Variants in CLTC observed in about 807,000 individuals in gnomAD.
The protein encoded by CLTC is clathrin heavy chain.
In CLTC, 16 loss-of-function variants were observed where a neutral mutation model predicts 195.8. That is an observed-to-expected ratio of 0.08 (90% CI 0.06 to 0.12). CLTC has a LOEUF of 0.12. Ranked by LOEUF, CLTC falls within the 10% of genes least tolerant of loss-of-function variation. The pLI is 1.00. For synonymous variants in CLTC, 667 were observed against 689.4 expected (o/e 0.97, Z 0.51); for missense variants, 796 against 2,027.0 (o/e 0.39, Z 11.66).
chr17:59,620,223 G>A, intron 1 of CLTC, 50 bp downstream of exon 1: 1 of 1,602,174 alleles, frequency 6.2e-7, no homozygotes, highest in Non-Finnish European at 8.6e-7. Flanking sequence ...TGGTAGGAAG[G>A]ATGGAAGACG....
Position 59,656,039 on chromosome 17 carries a change from T to C in CLTC, c.969+12T>C. 1 of 1,601,684 alleles carries C rather than the reference T, an allele frequency of 6.2e-7. No homozygotes were observed. Among genetic ancestry groups the C allele is most frequent in the Non-Finnish European group, 8.5e-7 (1 of 1,176,076 alleles). On this transcript the variant is annotated intron_variant, in intron 6 of 31. Transcript: ENST00000269122. Reference sequence around the variant, plus strand: ...ACAGAAAGGGACAAGTAAGGAAACCTTGAAACTTAAGCAATAAAATAAGAT... The same window carrying C: ...ACAGAAAGGGACAAGTAAGGAAACCCTGAAACTTAAGCAATAAAATAAGAT...
At chr17:59,651,918 G>T (rs1483795279) in intron 5 of CLTC, among the ~76,000 whole-genome samples, 2 of 152,184 alleles carry the variant, frequency 1.3e-5, no homozygotes, top group African/African-American at 4.8e-5. Context: ...ACCCACAGTA[G>T]ATCTTTCAGA....
chr17:59,688,321 C>G (rs2033228070), intron 30 of CLTC, among the ~76,000 whole-genome samples: 2 of 152,146 alleles, frequency 1.3e-5, no homozygotes, highest in African/African-American at 4.8e-5. Context: ...AAATAACTGA[C>G]TGCATGTTAC....
Position 59,648,517 on chromosome 17 carries a change from C to CTTA in CLTC, c.681+116_681+117insTTA, listed in dbSNP as rs2032250567. On this transcript the variant is annotated intron_variant, in intron 4 of 31. Coordinates refer to ENST00000269122, the MANE Select transcript of CLTC (RefSeq NM_004859.4). This position sits in a 1 kb window ranked among gnomAD's most constrained non-coding sequence, Gnocchi z 4.5. ...CCTTCCTAAGTAATTTTAGTATTCA[C>CTTA]ATTTGTGGTGACTTAATTTGTTCAA... 3.0e-6 allele frequency: 3 copies of CTTA among 1,005,494 alleles called. No homozygotes were observed. Among genetic ancestry groups the CTTA allele is most frequent in the Non-Finnish European group, 4.4e-6 (3 of 678,740 alleles). The allele number at this position is 1,005,494 out of a possible 1,614,324, so 62.3% of individuals were successfully genotyped here. A position where few individuals can be genotyped will look rare whatever the true frequency, so the allele number is the denominator to read the frequency against.
intron 15 of CLTC, 55 bp downstream of exon 15, chr17:59,673,827 C>T (rs2032907097): frequency 1.1e-6 from 1 of 897,204 alleles, no homozygotes; most frequent in Non-Finnish European, 1.8e-6. Context: ...TTTTATTTCT[C>T]ATATTCTGGA....
chr17:59,659,592 G>A (rs1475428387), intron 6 of CLTC, among the ~76,000 whole-genome samples: 4 of 151,326 alleles, frequency 2.6e-5, no homozygotes, highest in East Asian at 1.9e-4. Flanking sequence ...CTACAGGCGC[G>A]TGCCACCATG....
intron 2 of CLTC, 99 bp from the exon 3 acceptor site, chr17:59,647,299 A>C: frequency 1.1e-6 from 1 of 894,104 alleles, no homozygotes; most frequent in Non-Finnish European, 1.7e-6. Flanking sequence ...GTCTCGTAAT[A>C]GAACTATTTT....
intron 6 of CLTC, chr17:59,658,741 G>T (rs753571842): frequency 2.0e-5 from 3 of 152,194 alleles, no homozygotes; most frequent in Non-Finnish European, 4.4e-5. Context: ...CTAGAAATCT[G>T]CTAGAACAGT....
chr17:59,683,553 G>A lies in CLTC; in HGVS notation c.4191+17G>A, dbSNP rs1307099216. The A allele has an allele frequency of 3.7e-6, 6 of 1,613,024 alleles. No homozygotes were observed. Among genetic ancestry groups the A allele is most frequent in the Non-Finnish European group, 5.1e-6 (6 of 1,179,500 alleles). ...ATTACCAAGGTGTGTACTTTCTTCAGAAGATAAAGGATTCAGAAGGAGAAA... is the reference window on the plus strand; with the variant it reads ...ATTACCAAGGTGTGTACTTTCTTCAAAAGATAAAGGATTCAGAAGGAGAAA... On this transcript the variant is annotated intron_variant, in intron 26 of 31. Coordinates refer to ENST00000269122, the MANE Select transcript of CLTC (RefSeq NM_004859.4). This position sits in a 1 kb window ranked among gnomAD's most constrained non-coding sequence, Gnocchi z 6.1.
rs550370794 is a variant in CLTC at position 59,693,315 on chromosome 17, C to G, written c.4904-413C>G. Among the ~76,000 whole-genome samples, 3 of 150,700 alleles carry G rather than the reference C, an allele frequency of 2.0e-5. No individual in the cohort carries two copies. In the South Asian group the frequency reaches 6.3e-4, roughly 32 times the overall value. On this transcript the variant is annotated intron_variant, in intron 31 of 31. Coordinates refer to ENST00000269122, the MANE Select transcript of CLTC (RefSeq NM_004859.4). ...CCAGGAGGCAGAGGTTTCAGTGAGC[C>G]GAGATTACACAACTGCACTCCAGCC...
chr17:59,661,313 C>A, intron 7 of CLTC, 130 bp from the exon 8 acceptor site: 1 of 688,578 alleles, frequency 1.5e-6, no homozygotes, highest in East Asian at 2.6e-5. Context: ...GGATTCATTC[C>A]TTTAAGATTG....
At position 59,666,761 on chromosome 17, in the gene CLTC, T is replaced by G; in HGVS notation, c.1948-36T>G. The G allele has an allele frequency of 6.3e-7, 1 of 1,581,854 alleles. No homozygotes were observed. Among genetic ancestry groups the G allele is most frequent in the Non-Finnish European group, 8.6e-7 (1 of 1,158,440 alleles). ...TACCACCATGAGGTTCAACATTATT[T>G]CATTTATTCATTCATTCATTTATTT... On this transcript the variant is annotated intron_variant, in intron 12 of 31. Coordinates refer to ENST00000269122, the MANE Select transcript of CLTC (RefSeq NM_004859.4). The surrounding 1 kb of genome is among the most constrained non-coding windows in gnomAD (Gnocchi z 4.9).
chr17:59,655,793 T>A, intron 5 of CLTC, 61 bp from the exon 6 acceptor site: 2 of 1,351,452 alleles, frequency 1.5e-6, no homozygotes, highest in East Asian at 2.6e-5. Context: ...TTAGACTGAA[T>A]GTTTTTATTT....
intron 5 of CLTC, among the ~76,000 whole-genome samples, chr17:59,655,205 T>C (rs1371051246): frequency 6.6e-6 from 1 of 152,216 alleles, no homozygotes. Flanking sequence ...ATAGAGGCAA[T>C]TGTAGTTATT....
At chr17:59,684,009 A>T (rs1442826842) in intron 28 of CLTC, 24 bp downstream of exon 28, 5 of 1,396,718 alleles carry the variant, frequency 3.6e-6, no homozygotes, top group Non-Finnish European at 5.1e-6. Flanking sequence ...ATTCTTGCAC[A>T]TAATCTCAAG....
chr17:59,661,912 G>A (rs1167258832), intron 8 of CLTC, among the ~76,000 whole-genome samples: 1 of 152,070 alleles, frequency 6.6e-6, no homozygotes, highest in Non-Finnish European at 1.5e-5. Flanking sequence ...AGACCAGCCT[G>A]ACCAACATGG....
At chr17:59,657,780 AAAAAG>A (rs2032507770) in intron 6 of CLTC, among the ~76,000 whole-genome samples, 1 of 151,694 alleles carries the variant, frequency 6.6e-6, no homozygotes, top group South Asian at 2.1e-4. Flanking sequence ...AAAAAAAAAA[AAAAAG>A]AAGGAAAATC....
intron 1 of CLTC, among the ~76,000 whole-genome samples, chr17:59,626,015 G>GT (rs1692674461): frequency 6.6e-6 from 1 of 152,146 alleles, no homozygotes. Context: ...TTTTATTCAG[G>GT]TATCTCAACC....
At position 59,681,554 on chromosome 17, in the gene CLTC, A is replaced by C. The variant is rs956310723; in HGVS notation, c.3249+76A>C. The stretch of plus-strand genomic sequence containing the variant: ...GTGGGCCTAATTGGTTGCTACGGCA[A>C]TAGAGCAGCAATAAAATACTAACAG... On this transcript the variant is annotated intron_variant, in intron 20 of 31. Coordinates refer to ENST00000269122, the MANE Select transcript of CLTC (RefSeq NM_004859.4). The surrounding 1 kb of genome is among the most constrained non-coding windows in gnomAD (Gnocchi z 5.0). The C allele has an allele frequency of 3.8e-6, 6 of 1,569,712 alleles. No individual in the cohort carries two copies. The African/African-American group carries it at 8.1e-5, about 21-fold the overall frequency.
Sources: allele counts gnomAD v4.1 joint callset (sites outside exome capture counted in the v4.1 genomes callset), GRCh38; gene constraint gnomAD v4.1.1; non-coding constraint Gnocchi (gnomAD v3.1); transcripts MANE v1.5; gene names NCBI Gene and HGNC (gene_info 2026-07-23, HGNC 2026-07-21).